The following RABEP1 variants were observed in gnomAD, a reference collection of about 807,000 sequenced individuals.
RABEP1 encodes the protein rab GTPase-binding effector protein 1.
Under a neutral mutation model 123.4 loss-of-function variants are expected in RABEP1, and 51 were observed. The observed-to-expected ratio is 0.41, with a 90% CI of 0.33 to 0.52. RABEP1 has a LOEUF of 0.52. Among genes scored for constraint, RABEP1 ranks in the 20% least tolerant of loss-of-function variants. RABEP1 has a pLI of 0.16. For synonymous variants in RABEP1, 347 were observed against 355.2 expected, an observed-to-expected ratio of 0.98 and a Z score of 0.26; for missense variants, 888 against 996.3, an observed-to-expected ratio of 0.89 and a Z score of 1.46.
chr17:5,363,007 G>A lies in RABEP1; in HGVS notation c.1659G>A (p.Thr553=). 1.2e-6 allele frequency: 2 copies of A among 1,610,518 alleles called. No individual in the cohort carries two copies. Among genetic ancestry groups the A allele is most frequent in the Non-Finnish European group, 1.7e-6 (2 of 1,176,754 alleles). Residue 553 remains threonine, a synonymous_variant, in exon 10 of 18, where the codon ACG becomes ACA. Coordinates refer to ENST00000537505, the MANE Select transcript of RABEP1 (RefSeq NM_004703.6). ...LQGIQIQEAE[T]RDQVKKLQLM... ...GAATTCAGATTCAGGAGGCTGAAAC[G>A]AGAGACCAGGTGAGTTTCTTCTGGA...
rs1012348151 is a variant in RABEP1, at chr17:5,312,277, T to TA, written c.163+3456dup. On this transcript the variant is annotated intron_variant, in intron 2 of 17. Coordinates refer to ENST00000537505, the MANE Select transcript of RABEP1 (RefSeq NM_004703.6). ...GATTCTCCTGCCTTAGCCTCCCGAGTAGCAGGGATTACAGGTGTGTGCCAC... is the reference window on the plus strand; with the variant it reads ...GATTCTCCTGCCTTAGCCTCCCGAGTAAGCAGGGATTACAGGTGTGTGCCAC... Among the ~76,000 whole-genome samples the TA allele has an allele frequency of 3.9e-5, 6 of 152,248 alleles. 1 individual carries two copies. The highest frequency in any genetic ancestry group is 1.4e-4 in the African/African-American group (6 of 41,544).
intron 1 of RABEP1, among the ~76,000 whole-genome samples, chr17:5,297,845 G>A (rs976394481): frequency 1.3e-5 from 2 of 152,146 alleles, no homozygotes; most frequent in Non-Finnish European, 2.9e-5. Context: ...TATGCTCTAT[G>A]GCTTCTCATA....
intron 12 of RABEP1, among the ~76,000 whole-genome samples, chr17:5,369,336 C>A (rs1910346545): frequency 6.6e-6 from 1 of 152,116 alleles, no homozygotes; most frequent in African/African-American, 2.4e-5. Context: ...AAAGTTGGAG[C>A]CTACATCTGA....
intron 4 of RABEP1, chr17:5,336,470 C>G (rs895941285): frequency 2.1e-6 from 1 of 468,418 alleles, no homozygotes; most frequent in African/African-American, 2.0e-5. Flanking sequence ...ACCTAATGTC[C>G]TTTTTTTTCT....
At chr17:5,287,597 GCAAAAAAA>G (rs2074991334) in intron 1 of RABEP1, among the ~76,000 whole-genome samples, 1 of 27,464 alleles carries the variant, frequency 3.6e-5, no homozygotes, top group Admixed American at 6.5e-4. Context: ...AGACTCTGTC[GCAAAAAAA>G]AAAAAAAAAA....
At position 5,383,312 on chromosome 17, in the gene RABEP1, A is replaced by G; in HGVS notation, c.*89A>G. ...ATTATTATTTAACTCTTAACTGAAG[A>G]AAGAGAAGTCACAACAAAAGGAAGA... On this transcript the variant is annotated 3_prime_UTR_variant, in exon 18 of 18. Transcript: ENST00000537505. The G allele has an allele frequency of 9.5e-7, 1 of 1,050,416 alleles. No homozygotes were observed. The highest frequency in any genetic ancestry group is 1.4e-5 in the South Asian group (1 of 73,672). The allele number at this position is 1,050,416 out of a possible 1,614,324, so 65.1% of individuals were successfully genotyped here.
At chr17:5,321,303 TGTG>T (rs1351922796) in intron 2 of RABEP1, among the ~76,000 whole-genome samples, 1 of 152,100 alleles carries the variant, frequency 6.6e-6, no homozygotes, top group African/African-American at 2.4e-5. Flanking sequence ...ATTAGCCAGA[TGTG>T]GTGGCATGTG....
chr17:5,342,694 TAATTC>T lies in RABEP1; in HGVS notation c.649-4094_649-4090del, dbSNP rs1243844067. Among the ~76,000 whole-genome samples, 11 of 152,344 alleles carry T rather than the reference TAATTC, an allele frequency of 7.2e-5. No homozygotes were observed. In the South Asian group the frequency reaches 1.7e-3, roughly 23 times the overall value. ...CAATAGGGTTTAATTAGGAACTTGA[TAATTC>T]AGTTCTAGAAGTAGACTTCATATAG... is the stretch of plus-strand genomic sequence containing the variant. On this transcript the variant is annotated intron_variant, in intron 5 of 17. Transcript: ENST00000537505.
At position 5,282,479 on chromosome 17, in the gene RABEP1, G is replaced by A; in HGVS notation, c.-8G>A. 1 of 1,339,112 alleles carries A rather than the reference G, an allele frequency of 7.5e-7. No individual in the cohort carries two copies. Among genetic ancestry groups the A allele is most frequent in the Non-Finnish European group, 9.6e-7 (1 of 1,040,236 alleles). The allele number at this position is 1,339,112 out of a possible 1,614,324, so 83.0% of individuals were successfully genotyped here. ...CCATCCCCGCTCCCCGAGGCCGGCC[G>A]CCTGGTCATGGCGCAGCCGGGCCCG... On this transcript the variant is annotated 5_prime_UTR_variant, in exon 1 of 18. Coordinates refer to ENST00000537505, the MANE Select transcript of RABEP1 (RefSeq NM_004703.6).
intron 15 of RABEP1, among the ~76,000 whole-genome samples, chr17:5,379,758 T>C (rs1280959139): frequency 3.9e-5 from 6 of 152,182 alleles, no homozygotes; most frequent in Non-Finnish European, 7.3e-5. Context: ...CAAGGTGATA[T>C]TTAAACATTA....
rs1908442234 is a variant in RABEP1, at chr17:5,350,476, A to T, written c.810A>T (p.Arg270=). Residue 270 remains arginine (R), a synonymous_variant, in exon 7 of 18, where the codon CGA becomes CGT. Coordinates refer to ENST00000537505, the MANE Select transcript of RABEP1 (RefSeq NM_004703.6). ...TTTGCCATCTCTTGGAGCAAGAGCG[A>T]CAACAACACAACCAGTTAAAACATA... ...HEVCHLLEQE[R]QQHNQLKHTW... is the part of the protein sequence containing the mutation. 1.2e-6 allele frequency: 2 copies of T among 1,613,768 alleles called. No individual in the cohort carries two copies. Among genetic ancestry groups the T allele is most frequent in the East Asian group, 4.5e-5 (2 of 44,886 alleles).
chr17:5,370,988 A>C (rs1910481983), intron 12 of RABEP1, among the ~76,000 whole-genome samples: 1 of 149,564 alleles, frequency 6.7e-6, no homozygotes, highest in African/African-American at 2.5e-5. Flanking sequence ...TGTTTTTGAG[A>C]CGGAGTCTTG....
At chr17:5,340,176 C>T (rs1180069265) in intron 5 of RABEP1, among the ~76,000 whole-genome samples, 1 of 152,200 alleles carries the variant, frequency 6.6e-6, no homozygotes, top group Non-Finnish European at 1.5e-5. Context: ...AATTGACACA[C>T]AGAACTCGGT....
intron 1 of RABEP1, among the ~76,000 whole-genome samples, chr17:5,295,602 C>G (rs1011601074): frequency 6.6e-6 from 1 of 152,178 alleles, no homozygotes; most frequent in African/African-American, 2.4e-5. Flanking sequence ...AGTTTACATA[C>G]ATTTAAAATT....
intron 2 of RABEP1, among the ~76,000 whole-genome samples, chr17:5,325,768 C>T (rs1905914024): frequency 6.6e-6 from 1 of 151,100 alleles, no homozygotes; most frequent in African/African-American, 2.4e-5. Context: ...CCGAACTACA[C>T]CCAGTTTGAT....
At position 5,335,111 on chromosome 17, in the gene RABEP1, T is replaced by C. The variant is rs999408063; in HGVS notation, c.368-73T>C. On this transcript the variant is annotated intron_variant, in intron 3 of 17. Coordinates refer to ENST00000537505, the MANE Select transcript of RABEP1 (RefSeq NM_004703.6). ...TAGACGTAAGCTTTTTATATAACTT[T>C]AAAAAATTTAGTGTGCCAGGTTATT... The C allele has an allele frequency of 7.5e-6, 10 of 1,340,568 alleles. No individual in the cohort carries two copies. The South Asian group carries it at 9.2e-5, about 12-fold the overall frequency. 83.0% of individuals were successfully genotyped at this position (1,340,568 alleles called of 1,614,324 possible).
Position 5,354,398 on chromosome 17 carries a change from C to G in RABEP1, c.1003C>G (p.His335Asp). 6.2e-7 allele frequency: 1 copy of G among 1,612,576 alleles called. No individual in the cohort carries two copies. Among genetic ancestry groups the G allele is most frequent in the South Asian group, 1.1e-5 (1 of 90,918 alleles). The change falls in exon 8 of 18, where the codon CAC (histidine) becomes GAC (aspartate). Residue 335 changes from histidine (H) to aspartate (D), a missense_variant. His to Asp is a moderately conservative substitution (Grantham distance 81). Coordinates refer to ENST00000537505, the MANE Select transcript of RABEP1 (RefSeq NM_004703.6). ...ACAAAGACTCAATAAGAGAAAGGAT[C>G]ACAAAAAAGCAGATGTTGAGGAAGA... ...EQQRLNKRKDHKKADVEEEIK... is the reference protein window; with the variant it reads ...EQQRLNKRKDDKKADVEEEIK...
Position 5,385,847 on chromosome 17 carries a change from A to G in RABEP1, c.*2624A>G, listed in dbSNP as rs904125954. 2.3e-5 allele frequency: 6 copies of G among 266,178 alleles called. No individual in the cohort carries two copies. The highest frequency in any genetic ancestry group is 1.1e-4 in the East Asian group (2 of 17,582). The allele number at this position is 266,178 out of a possible 1,614,324, so 16.5% of individuals were successfully genotyped here. ...CTTCTCCTTTGAATCCTAGGGTTCT[A>G]TCCCTCTTCAGAGTCATGTTTCTGG... On this transcript the variant is annotated 3_prime_UTR_variant, in exon 18 of 18. Transcript: ENST00000537505.
At chr17:5,337,675 A>G (rs1211730146) in intron 4 of RABEP1, among the ~76,000 whole-genome samples, 1 of 152,090 alleles carries the variant, frequency 6.6e-6, no homozygotes, top group Non-Finnish European at 1.5e-5. Flanking sequence ...CCTGGGTGAC[A>G]GAGCGAGACT....
Sources: gnomAD v4.1 joint callset for allele counts (sites outside exome capture counted in the v4.1 genomes callset) on GRCh38, gnomAD v4.1.1 for gene constraint, MANE v1.5 for transcripts, NCBI Gene and HGNC (gene_info 2026-07-23, HGNC 2026-07-21) for gene names.